Variants in FAM47E observed in about 807,000 individuals in gnomAD.
FAM47E encodes the protein protein FAM47E.
In FAM47E, 32 loss-of-function variants were observed where a neutral mutation model predicts 41.6. The observed-to-expected ratio is 0.77, with a 90% CI of 0.58 to 1.03. The LOEUF is 1.03. FAM47E is among the 50% of genes least tolerant of loss of function. The pLI is 0.00. For synonymous variants in FAM47E, 184 were observed against 188.7 expected, an observed-to-expected ratio of 0.98 and a Z score of 0.20; for missense variants, 424 against 485.4, an observed-to-expected ratio of 0.87 and a Z score of 1.19.
chr4:76,223,073 G>A (rs968164464), intron 2 of FAM47E, among the ~76,000 whole-genome samples: 1 of 152,198 alleles, frequency 6.6e-6, no homozygotes, highest in South Asian at 2.1e-4. Flanking sequence ...AATATCAAAG[G>A]TAAGGCTTTG....
At position 76,255,562 on chromosome 4, in the gene FAM47E, G is replaced by A. The variant is rs185556683; in HGVS notation, c.75-616G>A. On this transcript the variant is annotated intron_variant, in intron 1 of 7. Transcript: ENST00000424749. ...CACAGAGGTTACATGAAGAGCCAAC[G>A]CCATTCAGCTAGTTAGGGGCTGAGT... Among the ~76,000 whole-genome samples the A allele has an allele frequency of 4.6e-5, 7 of 152,232 alleles. 1 individual carries two copies. Among genetic ancestry groups the A allele is most frequent in the East Asian group, 1.9e-4 (1 of 5,186 alleles).
upstream of FAM47E, among the ~76,000 whole-genome samples, chr4:76,249,657 T>C (rs1318533078): frequency 1.3e-5 from 2 of 152,094 alleles, no homozygotes; most frequent in African/African-American, 4.8e-5. Flanking sequence ...CAGTGTACCC[T>C]GTACCCAATG....
chr4:76,276,578 A>G (rs1735127131), intron 5 of FAM47E, among the ~76,000 whole-genome samples: 1 of 131,522 alleles, frequency 7.6e-6, no homozygotes, highest in Non-Finnish European at 1.8e-5. Flanking sequence ...CACCAGGCTG[A>G]TCTCGAATTC....
Position 76,256,410 on chromosome 4 carries a change from A to G in FAM47E, c.307A>G (p.Lys103Glu). 6.4e-7 allele frequency: 1 copy of G among 1,552,328 alleles called. No homozygotes were observed. Among genetic ancestry groups the G allele is most frequent in the Non-Finnish European group, 8.7e-7 (1 of 1,147,442 alleles). The change falls in exon 2 of 8, where the codon AAG (lysine) becomes GAG (glutamate). Residue 103 changes from lysine to glutamate, a missense_variant. Lys to Glu is a moderately conservative substitution (Grantham distance 56). Coordinates refer to ENST00000424749, the MANE Select transcript of FAM47E (RefSeq NM_001136570.3). ...GCTCAAGGAAGCAGACGTGCTTTCC[A>G]AGCTCTCGCCAGCCCAGCAGGCTCG... ...KLLKEADVLS[K>E]LSPAQQARKA...
intron 2 of FAM47E, among the ~76,000 whole-genome samples, chr4:76,261,936 T>C (rs1202846272): frequency 1.3e-5 from 2 of 152,228 alleles, no homozygotes; most frequent in Middle Eastern, 3.2e-3. Context: ...TCCAGGAGCT[T>C]TTAATAAATT....
rs1234325531 is a variant in FAM47E, at chr4:76,283,560, C to T, written c.*102C>T. 2 of 696,876 alleles carry T rather than the reference C, an allele frequency of 2.9e-6. No individual in the cohort carries two copies. Among genetic ancestry groups the T allele is most frequent in the East Asian group, 2.8e-5 (1 of 36,154 alleles). 43.2% of individuals were successfully genotyped at this position (696,876 alleles called of 1,614,324 possible). The stretch of plus-strand genomic sequence containing the variant: ...AACAGAGTTTATGATGAGTGTCCCA[C>T]TGTGGATGTTCAACTTTGACTTGGC... On this transcript the variant is annotated 3_prime_UTR_variant, in exon 8 of 8. Transcript: ENST00000424749.
At chr4:76,221,992 T>G (rs188092206) in intron 2 of FAM47E, among the ~76,000 whole-genome samples, 84 of 152,298 alleles carry the variant, frequency 5.5e-4, no homozygotes, top group African/African-American at 2.0e-3. Flanking sequence ...TAACAATAGG[T>G]GACTACCATG....
chr4:76,271,164 A>C (rs1734869231), intron 4 of FAM47E, among the ~76,000 whole-genome samples: 1 of 152,342 alleles, frequency 6.6e-6, no homozygotes, highest in East Asian at 1.9e-4. Flanking sequence ...CTGTGTACAG[A>C]ATGCGGCTGA....
upstream of FAM47E, among the ~76,000 whole-genome samples, chr4:76,247,910 C>CTTTTTTTTTTTT (rs753751295): frequency 5.2e-4 from 45 of 86,840 alleles, 1 homozygote; most frequent in Admixed American, 7.1e-4. Flanking sequence ...CACTCTCTCT[C>CTTTTTTTTTTTT]TTTTTTTTTT....
At chr4:76,256,084 C>T (rs1231712191) in intron 1 of FAM47E, 94 bp from the exon 2 acceptor site, 1 of 1,401,304 alleles carries the variant, frequency 7.1e-7, no homozygotes, top group Non-Finnish European at 9.5e-7. Context: ...GGAGACCAGC[C>T]TTTTTACTAC....
chr4:76,262,804 C>T (rs1388763726), intron 2 of FAM47E, among the ~76,000 whole-genome samples: 1 of 152,050 alleles, frequency 6.6e-6, no homozygotes, highest in Admixed American at 6.6e-5. Context: ...ATTCTGTCAC[C>T]TAAGCTGGAG....
At chr4:76,235,235 G>A (rs1333205085) in intron 2 of FAM47E, among the ~76,000 whole-genome samples, 1 of 152,236 alleles carries the variant, frequency 6.6e-6, no homozygotes, top group South Asian at 2.1e-4. Flanking sequence ...GGAGAATGGC[G>A]TGACCCCGGG....
At chr4:76,256,727 A>T (rs1201522141) in intron 2 of FAM47E, among the ~76,000 whole-genome samples, 1 of 152,178 alleles carries the variant, frequency 6.6e-6, no homozygotes, top group Non-Finnish European at 1.5e-5. Flanking sequence ...CAACATGCAC[A>T]CTGCTCTCTT....
At chr4:76,269,969 A>G (rs1007505173) in intron 4 of FAM47E, among the ~76,000 whole-genome samples, 1 of 152,024 alleles carries the variant, frequency 6.6e-6, no homozygotes, top group Admixed American at 6.6e-5. Flanking sequence ...TCCCCACCCC[A>G]TCTTTTGAGT....
chr4:76,260,249 T>C (rs1324061796), intron 2 of FAM47E, among the ~76,000 whole-genome samples: 1 of 152,152 alleles, frequency 6.6e-6, no homozygotes, highest in Non-Finnish European at 1.5e-5. Flanking sequence ...AGTGTCTGAT[T>C]AGCCGAAGTA....
intron 2 of FAM47E, among the ~76,000 whole-genome samples, chr4:76,237,376 T>G (rs1560733054): frequency 6.8e-6 from 1 of 147,594 alleles, no homozygotes; most frequent in Non-Finnish European, 1.5e-5. Context: ...TTTGTTTGTT[T>G]GTTTTTTTTT....
In FAM47E at chr4:76,256,174, C is replaced by T. The variant is rs1734182564; in HGVS notation, c.75-4C>T. 1.9e-6 allele frequency: 3 copies of T among 1,550,228 alleles called. No individual in the cohort carries two copies. Among genetic ancestry groups the T allele is most frequent in the Non-Finnish European group, 2.6e-6 (3 of 1,145,976 alleles). ...GGTACAAAGAGAATCTATCTACCTT[C>T]CAGATGTTTCACAAAGCACAAGAAC... is the stretch of plus-strand genomic sequence containing the variant. On this transcript the variant is annotated splice_region_variant and splice_polypyrimidine_tract_variant and intron_variant, in intron 1 of 7. Coordinates refer to ENST00000424749, the MANE Select transcript of FAM47E (RefSeq NM_001136570.3).
At chr4:76,239,392 T>C (rs1489260914) in intron 2 of FAM47E, among the ~76,000 whole-genome samples, 4 of 152,176 alleles carry the variant, frequency 2.6e-5, no homozygotes, top group African/African-American at 7.2e-5. Flanking sequence ...CCAACACTTA[T>C]AATAATTATT....
Position 76,237,254 on chromosome 4 carries a change from T to A in FAM47E, c.81+19566T>A, listed in dbSNP as rs115977576. 3.9e-3 allele frequency among the ~76,000 whole-genome samples: 599 copies of A among 152,080 alleles called. 2 individuals carry two copies. The highest frequency in any genetic ancestry group is 0.014 in the African/African-American group (574 of 41,498). The stretch of plus-strand genomic sequence containing the variant: ...TGATGTTAATGCTGGAAAGGTATAA[T>A]GAGGTATGCCCAACCCCACTTCCCA... On this transcript the variant is annotated intron_variant, in intron 2 of 7. Coordinates refer to the FAM47E transcript ENST00000510197.
Sources: gnomAD v4.1 joint callset for allele counts (sites outside exome capture counted in the v4.1 genomes callset) on GRCh38, gnomAD v4.1.1 for gene constraint, MANE v1.5 for transcripts, NCBI Gene and HGNC (gene_info 2026-07-23, HGNC 2026-07-21) for gene names.